PRKAB2: variants seen among roughly 807,000 people sequenced by gnomAD.
PRKAB2 encodes the protein protein kinase AMP-activated non-catalytic subunit beta 2.
In PRKAB2, 18 loss-of-function variants were observed where a neutral mutation model predicts 29.8. The observed-to-expected ratio is 0.60, with a 90% confidence interval of 0.42 to 0.89. PRKAB2 has a LOEUF of 0.89. Among genes scored for constraint, PRKAB2 ranks in the 40% least tolerant of loss-of-function variants. PRKAB2 has a pLI of 0.00. For synonymous variants in PRKAB2, 136 were observed against 125.9 expected (o/e 1.08, Z -0.54); for missense variants, 270 against 344.3 (o/e 0.78, Z 1.71).
rs2101614011 is a variant in PRKAB2 at position 147,159,367 on chromosome 1, T to TC, written c.*197dup. Reference sequence around the variant, plus strand: ...TTCTTCTCATATGTATATTTTTTTTTCTTAAAATAAATTCCGTGAACTCAT... The same window carrying TC: ...TTCTTCTCATATGTATATTTTTTTTTCCTTAAAATAAATTCCGTGAACTCAT... On this transcript the variant is annotated 3_prime_UTR_variant, in exon 8 of 8. Transcript: ENST00000254101. 1.9e-6 allele frequency: 1 copy of TC among 524,604 alleles called. No individual in the cohort carries two copies. The highest frequency in any genetic ancestry group is 2.9e-5 in the East Asian group (1 of 34,274). The allele number at this position is 524,604 out of a possible 1,614,324, so 32.5% of individuals were successfully genotyped here.
chr1:147,156,380 T>G lies in PRKAB2; in HGVS notation c.*3185A>C, dbSNP rs1653674988. 6.6e-6 allele frequency: 1 copy of G among 152,528 alleles called. No individual in the cohort carries two copies. The highest frequency in any genetic ancestry group is 6.6e-5 in the Admixed American group (1 of 15,240). The allele number at this position is 152,528 out of a possible 1,614,324, so 9.4% of individuals were successfully genotyped here. A position where few individuals can be genotyped will look rare whatever the true frequency, so the allele number is the denominator to read the frequency against. On this transcript the variant is annotated 3_prime_UTR_variant, in exon 8 of 8. Transcript: ENST00000254101. ...TAGAGGTATCACTTCTTTCCAAACT[T>G]AACTTCATTTCAGCAGCATACATGG... is the stretch of plus-strand genomic sequence containing the variant.
intron 2 of PRKAB2, among the ~76,000 whole-genome samples, chr1:147,169,872 C>T (rs374121795): frequency 2.0e-5 from 3 of 152,266 alleles, no homozygotes; most frequent in Admixed American, 6.5e-5. Flanking sequence ...TGAACTAGTC[C>T]ACTGAAAAAG....
At chr1:147,164,713 T>C (rs1553913462) in intron 5 of PRKAB2, among the ~76,000 whole-genome samples, 8 of 152,178 alleles carry the variant, frequency 5.3e-5, no homozygotes. Flanking sequence ...AGTAAATGAG[T>C]GCAGACTAAA....
chr1:147,172,011 A>T lies in PRKAB2; in HGVS notation c.134T>A (p.Val45Glu), dbSNP rs1553914471. 6.2e-7 allele frequency: 1 copy of T among 1,601,020 alleles called. No individual in the cohort carries two copies. Among genetic ancestry groups the T allele is most frequent in the Non-Finnish European group, 8.5e-7 (1 of 1,174,740 alleles). The change falls in exon 2 of 8, where the codon GTG becomes GAG. Residue 45 changes from valine to glutamate, a missense_variant. Around this residue, in one of 2 missense-constraint regions of PRKAB2, gnomAD observed 228 missense variants for 255.5 expected, o/e 0.89. Coordinates refer to ENST00000254101, the MANE Select transcript of PRKAB2 (RefSeq NM_005399.5). ...TACCTTGGAGTCAGGGAGGCTGAACACGCTGGGGTCGTCCGTACTCCCCAC... is the reference window on the plus strand; with the variant it reads ...TACCTTGGAGTCAGGGAGGCTGAACTCGCTGGGGTCGTCCGTACTCCCCAC... ...IMVGSTDDPS[V>E]FSLPDSKLPG...
At chr1:147,167,012 T>C (rs187971979) in intron 3 of PRKAB2, 73 bp from the exon 4 acceptor site, 8 of 1,208,408 alleles carry the variant, frequency 6.6e-6, no homozygotes, top group Non-Finnish European at 9.7e-6. Context: ...CAAGTGGCAA[T>C]CATAGTATCA....
chr1:147,171,963 A>AC lies in PRKAB2; in HGVS notation c.156+25dup, dbSNP rs781973344. 26 of 1,591,754 alleles carry AC rather than the reference A, an allele frequency of 1.6e-5. No individual in the cohort carries two copies. In the South Asian group the frequency reaches 3.0e-4, roughly 18 times the overall value. On this transcript the variant is annotated intron_variant, in intron 2 of 7. Transcript: ENST00000254101. The stretch of plus-strand genomic sequence containing the variant: ...GAAATCAACCCGCTGCAGTACTGAC[A>AC]CCAACTGCGGGCATGGGACGCTTAC...
At chr1:147,161,365 C>G (rs1459335504) in intron 7 of PRKAB2, among the ~76,000 whole-genome samples, 2 of 142,922 alleles carry the variant, frequency 1.4e-5, no homozygotes, top group Non-Finnish European at 3.0e-5. Flanking sequence ...ATATCACATT[C>G]AAGCATTCTT....
rs1553913872 is a variant in PRKAB2, at chr1:147,167,834, C to A, written c.256G>T (p.Gly86Ter). ...ARPTVIRWSE[G>*]GKEVFISGSF... Reference sequence around the variant, plus strand: ...CCAGAGATGAAGACCTCCTTGCCTCCTTCAGACCAGCGGATAACAGTGGGC... The same window carrying A: ...CCAGAGATGAAGACCTCCTTGCCTCATTCAGACCAGCGGATAACAGTGGGC... The change falls in exon 3 of 8, where the codon GGA becomes TGA. Residue 86 changes from glycine (G) to a stop codon, truncating the protein, a stop_gained. Transcript: ENST00000254101. LOFTEE classifies it high-confidence loss of function. 5.6e-6 allele frequency: 9 copies of A among 1,614,164 alleles called. No homozygotes were observed. Among genetic ancestry groups the A allele is most frequent in the Non-Finnish European group, 7.6e-6 (9 of 1,180,012 alleles).
At chr1:147,161,351 C>T (rs1436644117) in intron 7 of PRKAB2, among the ~76,000 whole-genome samples, 1 of 150,758 alleles carries the variant, frequency 6.6e-6, no homozygotes, top group African/African-American at 2.4e-5. Flanking sequence ...AAATGAAAGC[C>T]TTAATATCAC....
intron 5 of PRKAB2, among the ~76,000 whole-genome samples, chr1:147,165,022 C>T (rs1654165946): frequency 6.6e-6 from 1 of 152,170 alleles, no homozygotes; most frequent in African/African-American, 2.4e-5. Context: ...TCAAAAGTTT[C>T]CTCAACAGAT....
At chr1:147,171,843 C>T in intron 2 of PRKAB2, 146 bp downstream of exon 2, 1 of 1,084,218 alleles carries the variant, frequency 9.2e-7, no homozygotes, top group East Asian at 2.6e-5. Flanking sequence ...GAATTATCAT[C>T]CAACACCTCT....
intron 5 of PRKAB2, among the ~76,000 whole-genome samples, 171 bp downstream of exon 5, chr1:147,166,327 C>T (rs1341914285): frequency 6.6e-6 from 1 of 152,092 alleles, no homozygotes; most frequent in Admixed American, 6.5e-5. Context: ...TTTGTGTTTG[C>T]TGCAAATAAG....
chr1:147,170,417 T>C (rs782484500), intron 2 of PRKAB2, among the ~76,000 whole-genome samples: 21 of 151,934 alleles, frequency 1.4e-4, no homozygotes, highest in African/African-American at 2.2e-4. Context: ...GTCATCAACA[T>C]AGGAAAAGGG....
chr1:147,159,651 A>G lies in PRKAB2; in HGVS notation c.742-9T>C. On this transcript the variant is annotated splice_polypyrimidine_tract_variant and intron_variant, in intron 7 of 7. Transcript: ENST00000254101. ...AGGACCATCACACTGTCCTGCAAGG[A>G]AAAGAAACATACGCAGCTAATTCAT... 6.2e-7 allele frequency: 1 copy of G among 1,612,446 alleles called. No individual in the cohort carries two copies. The highest frequency in any genetic ancestry group is 1.3e-5 in the African/African-American group (1 of 74,990).
chr1:147,167,448 G>T (rs182808515), intron 3 of PRKAB2, among the ~76,000 whole-genome samples: 1 of 152,320 alleles, frequency 6.6e-6, no homozygotes, highest in Admixed American at 6.5e-5. Flanking sequence ...TAGTGCAGAA[G>T]TCAGAGCAAC....
intron 5 of PRKAB2, among the ~76,000 whole-genome samples, chr1:147,164,169 A>G (rs1553913412): frequency 1.3e-5 from 2 of 151,950 alleles, no homozygotes; most frequent in African/African-American, 4.8e-5. Context: ...AAACTCCTGG[A>G]CTCAAGTGAT....
At position 147,157,121 on chromosome 1, in the gene PRKAB2, T is replaced by G. The variant is rs1255899548; in HGVS notation, c.*2444A>C. The G allele has an allele frequency of 3.3e-5, 5 of 152,150 alleles. No individual in the cohort carries two copies. Among genetic ancestry groups the G allele is most frequent in the African/African-American group, 1.2e-4 (5 of 41,424 alleles). The allele number at this position is 152,150 out of a possible 1,614,324, so 9.4% of individuals were successfully genotyped here. A position where few individuals can be genotyped will look rare whatever the true frequency, so the allele number is the denominator to read the frequency against. ...ATTTTCAAAATCTGTCAAACTCTCCTCAGCATTAAATTAATTATCCCTTTA... is the reference window on the plus strand; with the variant it reads ...ATTTTCAAAATCTGTCAAACTCTCCGCAGCATTAAATTAATTATCCCTTTA... On this transcript the variant is annotated 3_prime_UTR_variant, in exon 8 of 8. Transcript: ENST00000254101.
rs1318579668 is a variant in PRKAB2 at position 147,155,122 on chromosome 1, CT to C, written c.*4442del. On this transcript the variant is annotated 3_prime_UTR_variant, in exon 8 of 8. Transcript: ENST00000254101. ...ACTCAGATATTATTGCTGTATAATA[CT>C]TTTATTAAAGTTTTATGGAAAAAAC... The C allele has an allele frequency of 1.3e-5, 2 of 152,150 alleles. No individual in the cohort carries two copies. The highest frequency in any genetic ancestry group is 1.3e-4 in the Admixed American group (2 of 15,254). 9.4% of individuals were successfully genotyped at this position (152,150 alleles called of 1,614,324 possible).
chr1:147,159,743 T>G (rs1327085746), intron 7 of PRKAB2, 101 bp from the exon 8 acceptor site: 9 of 1,013,558 alleles, frequency 8.9e-6, no homozygotes, highest in Non-Finnish European at 1.2e-5. Flanking sequence ...TTAACAGAGA[T>G]AGTTTGATAT....
Sources: allele counts gnomAD v4.1 joint callset (sites outside exome capture counted in the v4.1 genomes callset), GRCh38; gene constraint gnomAD v4.1.1; regional missense constraint gnomAD v4.1.1; transcripts MANE v1.5; gene names NCBI Gene and HGNC (gene_info 2026-07-23, HGNC 2026-07-21).